ABHD17B: variants seen among roughly 807,000 people sequenced by gnomAD.
ABHD17B encodes the protein alpha/beta hydrolase domain-containing protein 17B.
A neutral mutation model predicts 26.2 loss-of-function variants in ABHD17B; 9 were observed. That is an observed-to-expected ratio of 0.34 (90% CI 0.21 to 0.60). The LOEUF (loss-of-function observed/expected upper bound fraction) is 0.60. Ranked by LOEUF, ABHD17B falls within the 20% of genes least tolerant of loss-of-function variation. The pLI is 0.80. For missense variants in ABHD17B, 224 were observed against 352.1 expected (o/e 0.64, Z 2.91); for synonymous variants, 127 against 122.3 (o/e 1.04, Z -0.25).
chr9:71,886,098 C>T (rs1826599854), intron 1 of ABHD17B, among the ~76,000 whole-genome samples: 1 of 152,178 alleles, frequency 6.6e-6, no homozygotes. Flanking sequence ...AGATGAATTA[C>T]TCCATTTATG....
rs1386494963 is a variant in ABHD17B at position 71,908,196 on chromosome 9, GC to G, written c.-4+2437del. Among the ~76,000 whole-genome samples, 60 of 152,222 alleles carry G rather than the reference GC, an allele frequency of 3.9e-4. 1 individual carries two copies. Among genetic ancestry groups the G allele is most frequent in the African/African-American group, 1.3e-3 (56 of 41,540 alleles). On this transcript the variant is annotated intron_variant, in intron 1 of 3. Transcript: ENST00000333421. The stretch of plus-strand genomic sequence containing the variant: ...ACCTGAGGTCAGGAGTTGAAGACCA[GC>G]ATGGCCAACGTGGTGAAACCCCATC...
At chr9:71,863,375 C>T (rs1184609924), downstream of ABHD17B, among the ~76,000 whole-genome samples, 9 of 152,140 alleles carry the variant, frequency 5.9e-5, no homozygotes. Context: ...AAACTGAGGT[C>T]CAGAAATAAC....
At position 71,909,982 on chromosome 9, in the gene ABHD17B, T is replaced by C. The variant is rs186736570; in HGVS notation, c.-4+652A>G. 8.6e-5 allele frequency among the ~76,000 whole-genome samples: 13 copies of C among 151,534 alleles called. No homozygotes were observed. The East Asian group carries it at 2.1e-3, about 25-fold the overall frequency. Reference sequence around the variant, plus strand: ...AACTTTGTTTCGGGGTTAAAAAAAATCCCAAACAAAACCTTTAAATTTTCC... The same window carrying C: ...AACTTTGTTTCGGGGTTAAAAAAAACCCCAAACAAAACCTTTAAATTTTCC... On this transcript the variant is annotated intron_variant, in intron 1 of 3. Transcript: ENST00000333421.
At chr9:71,891,790 C>G (rs765454273) in intron 1 of ABHD17B, among the ~76,000 whole-genome samples, 1 of 152,186 alleles carries the variant, frequency 6.6e-6, no homozygotes, top group Non-Finnish European at 1.5e-5. Flanking sequence ...ATAGGGCAAA[C>G]AAGTATGTTC....
At chr9:71,884,957 A>G (rs1419749369) in intron 1 of ABHD17B, among the ~76,000 whole-genome samples, 1 of 152,198 alleles carries the variant, frequency 6.6e-6, no homozygotes, top group Non-Finnish European at 1.5e-5. Flanking sequence ...TAGGTTTTTC[A>G]TATGGGGGCA....
intron 3 of ABHD17B, among the ~76,000 whole-genome samples, chr9:71,869,175 C>T (rs1195105822): frequency 6.6e-6 from 1 of 152,012 alleles, no homozygotes; most frequent in Non-Finnish European, 1.5e-5. Flanking sequence ...AAAAACAAAC[C>T]CAAAACAAAA....
downstream of ABHD17B, chr9:71,865,025 T>C (rs1825915332): frequency 3.0e-6 from 1 of 328,270 alleles, no homozygotes; most frequent in Non-Finnish European, 4.4e-6. Context: ...AAGAAAGACC[T>C]CTCCAAAAAA....
chr9:71,890,318 G>C (rs1589224608), intron 1 of ABHD17B, among the ~76,000 whole-genome samples: 2 of 151,786 alleles, frequency 1.3e-5, no homozygotes. Flanking sequence ...GAAAGACTGA[G>C]AAGATTTACC....
At chr9:71,897,282 G>A (rs1412942389) in intron 1 of ABHD17B, among the ~76,000 whole-genome samples, 3 of 151,742 alleles carry the variant, frequency 2.0e-5, no homozygotes, top group Admixed American at 6.6e-5. Context: ...GCTCATCCCA[G>A]CACTTTGGGA....
At chr9:71,870,755 T>A (rs768928715) in intron 2 of ABHD17B, among the ~76,000 whole-genome samples, 1 of 152,214 alleles carries the variant, frequency 6.6e-6, no homozygotes, top group African/African-American at 2.4e-5. Context: ...GAAATGAATA[T>A]ATGTATGGTT....
chr9:71,907,970 C>T (rs1347400285), intron 1 of ABHD17B, among the ~76,000 whole-genome samples: 1 of 152,222 alleles, frequency 6.6e-6, no homozygotes, highest in African/African-American at 2.4e-5. Context: ...TTGGAAAACA[C>T]TGCTCCAAAG....
chr9:71,874,885 T>A lies in ABHD17B; in HGVS notation c.196A>T (p.Ile66Phe). The change falls in exon 2 of 4, where the codon ATT (isoleucine) becomes TTT (phenylalanine). Residue 66 changes from isoleucine to phenylalanine, a missense_variant. By Grantham distance (21) the Ile-to-Phe change is conservative. Coordinates refer to ENST00000333421, the MANE Select transcript of ABHD17B (RefSeq NM_001025780.3). ...WQYSSREKDA[I>F]ECFMTRTSKG... ...CTGGTTCTAGTCATGAAACACTCAA[T>A]AGCATCTTTTTCTCTAGAAGAATAC... The A allele has an allele frequency of 1.2e-6, 2 of 1,614,162 alleles. No homozygotes were observed. Among genetic ancestry groups the A allele is most frequent in the Non-Finnish European group, 1.7e-6 (2 of 1,180,028 alleles).
intron 1 of ABHD17B, among the ~76,000 whole-genome samples, chr9:71,896,094 T>C (rs1274743910): frequency 2.6e-5 from 4 of 152,200 alleles, no homozygotes; most frequent in Non-Finnish European, 5.9e-5. Flanking sequence ...AAAGAACCCT[T>C]CCTTTTTGCA....
chr9:71,899,595 A>G (rs572532411), intron 1 of ABHD17B, among the ~76,000 whole-genome samples: 1 of 152,198 alleles, frequency 6.6e-6, no homozygotes, highest in East Asian at 1.9e-4. Context: ...CCTGTAGGAA[A>G]TATAGGAATT....
chr9:71,904,447 T>G (rs916056145), intron 1 of ABHD17B, among the ~76,000 whole-genome samples: 2 of 152,214 alleles, frequency 1.3e-5, no homozygotes, highest in Non-Finnish European at 2.9e-5. Context: ...TGAGAAAAAT[T>G]TATATTCAAG....
intron 1 of ABHD17B, among the ~76,000 whole-genome samples, chr9:71,895,272 A>G (rs1024112143): frequency 5.9e-5 from 9 of 152,334 alleles, no homozygotes; most frequent in African/African-American, 2.2e-4. Flanking sequence ...GATAAGTTTA[A>G]CTTATGCAAG....
chr9:71,870,917 G>C (rs989284142), intron 2 of ABHD17B, among the ~76,000 whole-genome samples: 1 of 152,140 alleles, frequency 6.6e-6, no homozygotes, highest in Non-Finnish European at 1.5e-5. Flanking sequence ...AAAATTACAA[G>C]GTACTATTTT....
In ABHD17B at chr9:71,911,068, A is replaced by C. The variant is rs1421087760; in HGVS notation, c.-438T>G. On this transcript the variant is annotated 5_prime_UTR_variant, in exon 1 of 4. Transcript: ENST00000333421. ...CCTAGCCAGGTCTTCCTTCTCTTTA[A>C]TCCTGCTTTCTTTGCTCCTCCTCAG... The C allele has an allele frequency of 2.6e-5, 4 of 153,398 alleles. No individual in the cohort carries two copies. Among genetic ancestry groups the C allele is most frequent in the Non-Finnish European group, 4.4e-5 (3 of 68,636 alleles). The allele number at this position is 153,398 out of a possible 1,614,324, so 9.5% of individuals were successfully genotyped here.
intron 1 of ABHD17B, among the ~76,000 whole-genome samples, chr9:71,905,846 C>G (rs1391900377): frequency 6.6e-6 from 1 of 151,968 alleles, no homozygotes; most frequent in East Asian, 1.9e-4. Context: ...GAGTTCAAGA[C>G]CAGCCTGGCC....
Sources: gnomAD v4.1 joint callset for allele counts (sites outside exome capture counted in the v4.1 genomes callset) on GRCh38, gnomAD v4.1.1 for gene constraint, MANE v1.5 for transcripts, NCBI Gene and HGNC (gene_info 2026-07-23, HGNC 2026-07-21) for gene names.